Variants in CHD3 observed in about 807,000 individuals in gnomAD.
The protein encoded by CHD3 is chromodomain helicase DNA binding protein 3.
Under a neutral mutation model 248.9 loss-of-function variants are expected in CHD3, and 52 were observed. The observed-to-expected ratio is 0.21, with a 90% CI of 0.17 to 0.26. The LOEUF is 0.26. Ranked by LOEUF, CHD3 falls within the 10% of genes least tolerant of loss-of-function variation. The pLI, the probability that CHD3 is intolerant of heterozygous loss-of-function variation, is 1.00. For missense variants in CHD3, 1,482 were observed against 2,605.8 expected, an observed-to-expected ratio of 0.57 and a Z score of 9.39; for synonymous variants, 985 against 985.2, an observed-to-expected ratio of 1.00 and a Z score of 0.00.
In CHD3 at chr17:7,911,349, G is replaced by C; in HGVS notation, c.5882-115G>C. The C allele has an allele frequency of 6.5e-7, 1 of 1,529,220 alleles. No individual in the cohort carries two copies. The highest frequency in any genetic ancestry group is 9.0e-7 in the Non-Finnish European group (1 of 1,112,874). 94.7% of individuals were successfully genotyped at this position (1,529,220 alleles called of 1,614,324 possible). ...TTTGCCCGGGTCTTCCCTCCCTCACGTGGGACAACGGGAAGTGGCAGGAGG... is the reference window on the plus strand; with the variant it reads ...TTTGCCCGGGTCTTCCCTCCCTCACCTGGGACAACGGGAAGTGGCAGGAGG... On this transcript the variant is annotated intron_variant, in intron 39 of 39. Coordinates refer to ENST00000330494, the MANE Select transcript of CHD3 (RefSeq NM_001005273.3). The surrounding 1 kb of genome is among the most constrained non-coding windows in gnomAD (Gnocchi z 5.4).
chr17:7,901,036 G>C, intron 19 of CHD3, 43 bp downstream of exon 19: 1 of 1,597,540 alleles, frequency 6.3e-7, no homozygotes, highest in African/African-American at 1.3e-5. Context: ...CCCATTCTCA[G>C]AAAACATGGG....
chr17:7,889,147 G>T lies in CHD3; in HGVS notation c.100+47G>T, dbSNP rs2279620. The T allele has an allele frequency of 6.2e-7, 1 of 1,612,740 alleles. No individual in the cohort carries two copies. Among genetic ancestry groups the T allele is most frequent in the Non-Finnish European group, 8.5e-7 (1 of 1,179,102 alleles). ...AATAGAGGCCTCCCTCTTGGCAAAA[G>T]GATGTCAGGGCCCCAGGGTGTTAGT... On this transcript the variant is annotated intron_variant, in intron 1 of 39. Transcript: ENST00000330494. The surrounding 1 kb of genome is among the most constrained non-coding windows in gnomAD (Gnocchi z 4.5).
intron 4 of CHD3, among the ~76,000 whole-genome samples, chr17:7,891,362 G>A (rs1031225599): frequency 2.0e-5 from 3 of 152,124 alleles, no homozygotes; most frequent in African/African-American, 7.2e-5. Flanking sequence ...GCCCTCCCCT[G>A]CCCCAACAGC....
intron 8 of CHD3, 150 bp from the exon 9 acceptor site, chr17:7,894,767 A>T: frequency 7.2e-7 from 1 of 1,380,980 alleles, no homozygotes; most frequent in East Asian, 2.3e-5. Flanking sequence ...TCCCACAATC[A>T]ACATTTCTGA....
chr17:7,890,439 AAG>A (rs1443450126), intron 2 of CHD3, 130 bp from the exon 3 acceptor site: 1 of 675,312 alleles, frequency 1.5e-6, no homozygotes, highest in Admixed American at 3.5e-5. Context: ...CAAAAAAAAA[AAG>A]GAGATAAAAA....
Position 7,906,556 on chromosome 17 carries a change from C to T in CHD3, c.4362C>T (p.Ala1454=). 6.2e-7 allele frequency: 1 copy of T among 1,613,836 alleles called. No individual in the cohort carries two copies. The highest frequency in any genetic ancestry group is 1.1e-5 in the South Asian group (1 of 91,080). The change falls in exon 29 of 40, where the codon GCC becomes GCT. Residue 1454 remains alanine (A), a synonymous_variant. Coordinates refer to ENST00000330494, the MANE Select transcript of CHD3 (RefSeq NM_001005273.3). This position sits in a 1 kb window ranked among gnomAD's most constrained non-coding sequence, Gnocchi z 5.0. The stretch of plus-strand genomic sequence containing the variant: ...CTCCCACTCCCATGCTCCTTAGGGC[C>T]TATGTGTCTTTGTTCATGCGCCATC... The part of the protein sequence containing the change: ...LRGKTEKEFK[A]YVSLFMRHLC...
rs186368632 is a variant in CHD3, at chr17:7,906,820, C to T, written c.4504-49C>T. The T allele has an allele frequency of 2.9e-4, 467 of 1,608,778 alleles. 1 individual carries two copies. The African/African-American group carries it at 3.3e-3, about 11-fold the overall frequency. ...GACGGAGGAGACTGGAGCTTCCTGT[C>T]TGTAAGCGCCTGGAGCTGACACCTA... On this transcript the variant is annotated intron_variant, in intron 29 of 39. Coordinates refer to ENST00000330494, the MANE Select transcript of CHD3 (RefSeq NM_001005273.3). The surrounding 1 kb of genome is among the most constrained non-coding windows in gnomAD (Gnocchi z 5.0).
chr17:7,904,166 A>T lies in CHD3; in HGVS notation c.3894+175A>T, dbSNP rs1211446450. On this transcript the variant is annotated intron_variant, in intron 24 of 39. Coordinates refer to ENST00000330494, the MANE Select transcript of CHD3 (RefSeq NM_001005273.3). The surrounding 1 kb of genome is among the most constrained non-coding windows in gnomAD (Gnocchi z 4.4). ...TTCAGAGAGAAACGTAGGCACAGAC[A>T]GTACTGGTAAACACAGAAGGGTACC... is the stretch of plus-strand genomic sequence containing the variant. 2 of 666,244 alleles carry T rather than the reference A, an allele frequency of 3.0e-6. No individual in the cohort carries two copies. The highest frequency in any genetic ancestry group is 3.9e-5 in the South Asian group (2 of 51,756). 41.3% of individuals were successfully genotyped at this position (666,244 alleles called of 1,614,324 possible). A position where few individuals can be genotyped will look rare whatever the true frequency, so the allele number is the denominator to read the frequency against.
rs202073230 is a variant in CHD3, at chr17:7,907,722, G to A, written c.5026+20G>A. 7.3e-5 allele frequency: 111 copies of A among 1,517,200 alleles called. No individual in the cohort carries two copies. Among genetic ancestry groups the A allele is most frequent in the Non-Finnish European group, 9.6e-5 (109 of 1,135,668 alleles). 94.0% of individuals were successfully genotyped at this position (1,517,200 alleles called of 1,614,324 possible). On this transcript the variant is annotated intron_variant, in intron 33 of 39. Coordinates refer to ENST00000330494, the MANE Select transcript of CHD3 (RefSeq NM_001005273.3). The surrounding 1 kb of genome is among the most constrained non-coding windows in gnomAD (Gnocchi z 4.3). ...AGAGAGGTAATGGGTGGAAGGGACC[G>A]GACACCTGGGTCCCAGAGGGCATCA...
At position 7,899,816 on chromosome 17, in the gene CHD3, C is replaced by T. The variant is rs1970102661; in HGVS notation, c.2545-80C>T. On this transcript the variant is annotated intron_variant, in intron 15 of 39. Coordinates refer to ENST00000330494, the MANE Select transcript of CHD3 (RefSeq NM_001005273.3). The surrounding 1 kb of genome is among the most constrained non-coding windows in gnomAD (Gnocchi z 6.8). The stretch of plus-strand genomic sequence containing the variant: ...AATGGCTCCTGTTGGGAGCCACAGT[C>T]AGGACAAGGTGTCTGGTTCTGGAGG... 2 of 1,537,526 alleles carry T rather than the reference C, an allele frequency of 1.3e-6. No individual in the cohort carries two copies. The highest frequency in any genetic ancestry group is 1.4e-5 in the African/African-American group (1 of 73,012).
chr17:7,900,400 A>G lies in CHD3; in HGVS notation c.2793A>G (p.Pro931=). 1.1e-5 allele frequency: 17 copies of G among 1,614,162 alleles called. No homozygotes were observed. Among genetic ancestry groups the G allele is most frequent in the Non-Finnish European group, 1.4e-5 (16 of 1,180,034 alleles). Residue 931 remains proline, a synonymous_variant, in exon 17 of 40, where the codon CCA becomes CCG. Transcript: ENST00000330494. This position sits in a 1 kb window ranked among gnomAD's most constrained non-coding sequence, Gnocchi z 6.5. ...ELFHLLNFLT[P]ERFNNLEGFL... Reference sequence around the variant, plus strand: ...TCCATCTCCTGAACTTCCTCACCCCAGAGAGATTTAAGTAAGTGGTTCCCT... The same window carrying G: ...TCCATCTCCTGAACTTCCTCACCCCGGAGAGATTTAAGTAAGTGGTTCCCT...
At chr17:7,901,154 G>T (rs1970252249) in intron 19 of CHD3, 90 bp from the exon 20 acceptor site, 1 of 1,524,912 alleles carries the variant, frequency 6.6e-7, no homozygotes, top group East Asian at 2.3e-5. Flanking sequence ...GTGGAAGCTG[G>T]ATCCGGGCAT....
upstream of CHD3, among the ~76,000 whole-genome samples, chr17:7,885,812 G>A (rs1348128215): frequency 6.6e-6 from 1 of 152,234 alleles, no homozygotes; most frequent in Non-Finnish European, 1.5e-5. Flanking sequence ...CTGCTGATGA[G>A]TAGGGGCAGG....
chr17:7,894,288 G>C (rs1485314220), intron 7 of CHD3, 23 bp downstream of exon 7: 2 of 1,607,956 alleles, frequency 1.2e-6, no homozygotes, highest in Non-Finnish European at 1.7e-6. Flanking sequence ...GACTGTGTGT[G>C]ATCCTGTCAG....
In CHD3 at chr17:7,906,629, C is replaced by T; in HGVS notation, c.4435C>T (p.Pro1479Ser). Residue 1479 changes from proline to serine, a missense_variant, in exon 29 of 40, where the codon CCT becomes TCT. Pro to Ser is a moderately conservative substitution (Grantham distance 74). This residue lies in a region of CHD3 where 156 missense variants were observed against 420.3 expected (regional missense o/e 0.37). Coordinates refer to ENST00000330494, the MANE Select transcript of CHD3 (RefSeq NM_001005273.3). This position sits in a 1 kb window ranked among gnomAD's most constrained non-coding sequence, Gnocchi z 5.0. ...CTCTGAAACCTTTGCCGATGGGGTC[C>T]CTCGGGAGGGACTGAGTCGCCAGCA... ...DGSETFADGVPREGLSRQQVL... is the reference protein window; with the variant it reads ...DGSETFADGVSREGLSRQQVL... 6.2e-7 allele frequency: 1 copy of T among 1,613,714 alleles called. No individual in the cohort carries two copies. Among genetic ancestry groups the T allele is most frequent in the Non-Finnish European group, 8.5e-7 (1 of 1,179,866 alleles).
chr17:7,898,298 T>C (rs554431565), intron 12 of CHD3, among the ~76,000 whole-genome samples, 196 bp downstream of exon 12: 9 of 151,986 alleles, frequency 5.9e-5, no homozygotes, highest in Non-Finnish European at 1.0e-4. Flanking sequence ...GGCTGAGTAG[T>C]GGAGAAGAGG....
At chr17:7,884,845 G>A (rs1320870714), upstream of CHD3, 2 of 1,097,494 alleles carry the variant, frequency 1.8e-6, no homozygotes, top group Non-Finnish European at 2.5e-6. Flanking sequence ...AGGAGGAGGA[G>A]GAGATGGTGG....
Position 7,907,154 on chromosome 17 carries a change from A to G in CHD3, c.4695A>G (p.Glu1565=), listed in dbSNP as rs769544991. 1 of 1,614,100 alleles carries G rather than the reference A, an allele frequency of 6.2e-7. No individual in the cohort carries two copies. Among genetic ancestry groups the G allele is most frequent in the Non-Finnish European group, 8.5e-7 (1 of 1,180,026 alleles). The change falls in exon 31 of 40, where the codon GAA becomes GAG. Residue 1565 remains glutamate, a synonymous_variant. Coordinates refer to ENST00000330494, the MANE Select transcript of CHD3 (RefSeq NM_001005273.3). This position sits in a 1 kb window ranked among gnomAD's most constrained non-coding sequence, Gnocchi z 4.3. ...CTCCAGCTCCAAGTGAGAAAGGAGA[A>G]GGCATAAGGACACCTCTTGAGAAGG... is the stretch of plus-strand genomic sequence containing the variant. The part of the protein sequence containing the change: ...PATPAPSEKG[E]GIRTPLEKEE...
Position 7,908,335 on chromosome 17 carries a change from C to A in CHD3, c.5153-67C>A. The A allele has an allele frequency of 8.1e-7, 1 of 1,238,150 alleles. No homozygotes were observed. Among genetic ancestry groups the A allele is most frequent in the Non-Finnish European group, 1.2e-6 (1 of 856,888 alleles). 76.7% of individuals were successfully genotyped at this position (1,238,150 alleles called of 1,614,324 possible). ...CATTATTCAGTTTCTCCATCTCTAC[C>A]TGTCTGTTGGACTGAGTGCAGTCTG... On this transcript the variant is annotated intron_variant, in intron 34 of 39. Coordinates refer to ENST00000330494, the MANE Select transcript of CHD3 (RefSeq NM_001005273.3). This position sits in a 1 kb window ranked among gnomAD's most constrained non-coding sequence, Gnocchi z 5.8.
Sources: allele counts gnomAD v4.1 joint callset (sites outside exome capture counted in the v4.1 genomes callset), GRCh38; gene constraint gnomAD v4.1.1; regional missense constraint gnomAD v4.1.1; non-coding constraint Gnocchi (gnomAD v3.1); transcripts MANE v1.5; gene names NCBI Gene and HGNC (gene_info 2026-07-23, HGNC 2026-07-21).